KLF10: variants seen among roughly 807,000 people sequenced by gnomAD.
KLF10 encodes the protein Krueppel-like factor 10.
KLF10 carries 17 observed loss-of-function variants against 31.6 expected under a neutral mutation model. The ratio of observed to expected loss-of-function variants is 0.54; its 90% CI spans 0.37 to 0.81. The LOEUF (loss-of-function observed/expected upper bound fraction) is 0.81. Ranked by LOEUF, KLF10 falls within the 30% of genes least tolerant of loss-of-function variation. The pLI is 0.00. For missense variants in KLF10, 525 were observed against 598.1 expected, an observed-to-expected ratio of 0.88 and a Z score of 1.27; for synonymous variants, 239 against 215.1, an observed-to-expected ratio of 1.11 and a Z score of -0.97.
chr8:102,652,454 A>C, intron 1 of KLF10, 57 bp from the exon 2 acceptor site: 4 of 989,934 alleles, frequency 4.0e-6, no homozygotes, highest in Non-Finnish European at 5.8e-6. Flanking sequence ...CAAATGACAC[A>C]CAGAAAAATG....
Position 102,651,232 on chromosome 8 carries a change from C to T in KLF10, c.1100G>A (p.Arg367Lys), listed in dbSNP as rs1471426077. The T allele has an allele frequency of 6.3e-7, 1 of 1,586,016 alleles. No individual in the cohort carries two copies. The highest frequency in any genetic ancestry group is 8.6e-7 in the Non-Finnish European group (1 of 1,166,830). ...TCCTGGGTGGCTACAGATGTGACTCCTTATCCTTGATGAATCAATCTGAGG... is the reference window on the plus strand; with the variant it reads ...TCCTGGGTGGCTACAGATGTGACTCTTTATCCTTGATGAATCAATCTGAGG... The part of the protein sequence containing the change: ...VTPQIDSSRI[R>K]SHICSHPGCG... Residue 367 changes from arginine (R) to lysine (K), a missense_variant, in exon 3 of 4, where the codon AGG becomes AAG. Physicochemically the swap from Arg to Lys is conservative, Grantham distance 26. Coordinates refer to ENST00000285407, the MANE Select transcript of KLF10 (RefSeq NM_005655.4).
intron 1 of KLF10, among the ~76,000 whole-genome samples, chr8:102,654,719 A>C (rs1295063913): frequency 2.8e-5 from 3 of 107,210 alleles, no homozygotes; most frequent in South Asian, 3.0e-4. Flanking sequence ...TGCAGCCCCC[A>C]CAGGCCCCGG....
At position 102,650,407 on chromosome 8, in the gene KLF10, A is replaced by G; in HGVS notation, c.1184-16T>C. On this transcript the variant is annotated splice_polypyrimidine_tract_variant and intron_variant, in intron 3 of 3. Transcript: ENST00000285407. ...GGCTTTTCTCCTAAAACAAAGACAT[A>G]CAAATCATTATTATGCATAAGATTG... The G allele has an allele frequency of 3.1e-6, 5 of 1,607,682 alleles. No homozygotes were observed. The Middle Eastern group carries it at 6.6e-4, about 213-fold the overall frequency.
In KLF10 at chr8:102,651,471, T is replaced by G; in HGVS notation, c.861A>C (p.Thr287=). ...TGGGAGGAGTGCTGGGAACGACTGT[T>G]GTCACAACAGGGTTGTTGGCAGGAA... ...VPLPANNPVV[T]TVVPSTPPSQ... Residue 287 remains threonine, a synonymous_variant, in exon 3 of 4, where the codon ACA becomes ACC. Transcript: ENST00000285407. 2 of 1,613,922 alleles carry G rather than the reference T, an allele frequency of 1.2e-6. No homozygotes were observed. The highest frequency in any genetic ancestry group is 1.7e-6 in the Non-Finnish European group (2 of 1,179,932).
At position 102,651,268 on chromosome 8, in the gene KLF10, G is replaced by A; in HGVS notation, c.1064C>T (p.Ala355Val). Residue 355 changes from alanine to valine, a missense_variant, in exon 3 of 4, where the codon GCA (alanine) becomes GTA (valine). Physicochemically the swap from Ala to Val is moderately conservative, Grantham distance 64 (BLOSUM62 0). This residue lies in a region of KLF10 where 434 missense variants were observed against 450.7 expected (regional missense o/e 0.96). Coordinates refer to ENST00000285407, the MANE Select transcript of KLF10 (RefSeq NM_005655.4). The part of the protein sequence containing the change: ...APAPGFSPSA[A>V]KVTPQIDSSR... ...TGAATCAATCTGAGGAGTGACTTTTGCTGCTGAAGGGGAAAACCCAGGAGC... is the reference window on the plus strand; with the variant it reads ...TGAATCAATCTGAGGAGTGACTTTTACTGCTGAAGGGGAAAACCCAGGAGC... 1 of 1,607,286 alleles carries A rather than the reference G, an allele frequency of 6.2e-7. No homozygotes were observed.
chr8:102,652,855 A>T (rs1194442608), intron 1 of KLF10, among the ~76,000 whole-genome samples: 1 of 152,156 alleles, frequency 6.6e-6, no homozygotes, highest in East Asian at 1.9e-4. Flanking sequence ...CAAAAAATTT[A>T]TCTTCTTAAA....
chr8:102,653,436 T>C, intron 1 of KLF10: 1 of 1,527,584 alleles, frequency 6.5e-7, no homozygotes. Context: ...GTAAAGTTCT[T>C]TGAACTACGC....
At chr8:102,654,611 G>T (rs953583982) in intron 1 of KLF10, among the ~76,000 whole-genome samples, 3 of 151,902 alleles carry the variant, frequency 2.0e-5, no homozygotes, top group African/African-American at 7.2e-5. Flanking sequence ...CGGGACCTCA[G>T]ACCACCCCGT....
chr8:102,653,711 G>A (rs1463546347), intron 1 of KLF10: 1 of 1,217,412 alleles, frequency 8.2e-7, no homozygotes, highest in African/African-American at 1.6e-5. Flanking sequence ...AATGGACAGC[G>A]CGCGTGTGTG....
chr8:102,653,714 CGT>C (rs1377699682), intron 1 of KLF10: 7 of 1,208,930 alleles, frequency 5.8e-6, no homozygotes, highest in Non-Finnish European at 6.2e-6. Flanking sequence ...GGACAGCGCG[CGT>C]GTGTGTAACA....
At chr8:102,653,867 G>A (rs939762178) in intron 1 of KLF10, 82 of 954,776 alleles carry the variant, frequency 8.6e-5, no homozygotes, top group African/African-American at 1.1e-4. Context: ...AAGCGCGGGC[G>A]GAGGCGCGGG....
At chr8:102,653,355 A>G (rs1234690756) in intron 1 of KLF10, 5 of 932,352 alleles carry the variant, frequency 5.4e-6, no homozygotes, top group Admixed American at 7.7e-5. Context: ...TTAATTCCTT[A>G]AAGAACTGCT....
Position 102,654,111 on chromosome 8 carries a change from G to C in KLF10, c.36+1455C>G, listed in dbSNP as rs59144814. 3,640 of 256,874 alleles carry C rather than the reference G, an allele frequency of 0.014. 122 individuals carry two copies. Among genetic ancestry groups the C allele is most frequent in the African/African-American group, 0.071 (3,081 of 43,498 alleles). The allele number at this position is 256,874 out of a possible 1,614,324, so 15.9% of individuals were successfully genotyped here. A position where few individuals can be genotyped will look rare whatever the true frequency, so the allele number is the denominator to read the frequency against. ...GGGGGCGTGGGCGAGGAGGGGGCGA[G>C]GCATGTGAACAAAGCGTGATCAGCG... On this transcript the variant is annotated intron_variant, in intron 1 of 3. Coordinates refer to ENST00000285407, the MANE Select transcript of KLF10 (RefSeq NM_005655.4).
rs901527997 is a variant in KLF10 at position 102,651,561 on chromosome 8, G to C, written c.771C>G (p.Val257=). 5.0e-6 allele frequency: 8 copies of C among 1,614,078 alleles called. No individual in the cohort carries two copies. Among genetic ancestry groups the C allele is most frequent in the Admixed American group, 1.7e-5 (1 of 60,004 alleles). The change falls in exon 3 of 4, where the codon GTC becomes GTG. Residue 257 remains valine (V), a synonymous_variant. Coordinates refer to ENST00000285407, the MANE Select transcript of KLF10 (RefSeq NM_005655.4). ...CCCCTGCAGATACTGCAGGTGGAGA[G>C]ACCAACACTGACTTCTGTTGTGGGG... ...PVSPQQKSVL[V]SPPAVSAGGV...
chr8:102,651,790 T>C lies in KLF10; in HGVS notation c.542A>G (p.Gln181Arg), dbSNP rs1181061358. Residue 181 changes from glutamine to arginine, a missense_variant, in exon 3 of 4, where the codon CAG (glutamine) becomes CGG (arginine). Coordinates refer to ENST00000285407, the MANE Select transcript of KLF10 (RefSeq NM_005655.4). ...GGTTCTTCTTCTAAAAGAATTGTTC[T>C]GATAGTTGAGGATGCTGGCTGCTTT... ...PMKAASILNYQNNSFRRRTHL... is the reference protein window; with the variant it reads ...PMKAASILNYRNNSFRRRTHL... 5.0e-6 allele frequency: 8 copies of C among 1,614,130 alleles called. No individual in the cohort carries two copies. The highest frequency in any genetic ancestry group is 6.8e-6 in the Non-Finnish European group (8 of 1,180,046).
chr8:102,653,419 T>C, intron 1 of KLF10: 4 of 1,471,242 alleles, frequency 2.7e-6, no homozygotes, highest in African/African-American at 1.4e-5. Context: ...CTACCTAATG[T>C]TTTATAGTAA....
chr8:102,651,357 A>C lies in KLF10; in HGVS notation c.975T>G (p.Val325=), dbSNP rs1311191691. 1 of 1,598,474 alleles carries C rather than the reference A, an allele frequency of 6.3e-7. No individual in the cohort carries two copies. The highest frequency in any genetic ancestry group is 1.7e-5 in the Admixed American group (1 of 58,820). The change falls in exon 3 of 4, where the codon GTT becomes GTG. Residue 325 remains valine (V), a synonymous_variant. Coordinates refer to ENST00000285407, the MANE Select transcript of KLF10 (RefSeq NM_005655.4). ...CCACCGGAGGCTTTGAACTCTGCAC[A>C]ACGGGCTGGGGTACCACAAACATGA... The part of the protein sequence containing the change: ...GAVMFVVPQP[V]VQSSKPPVVS...
chr8:102,650,304 G>A lies in KLF10; in HGVS notation c.1271C>T (p.Thr424Met), dbSNP rs1827174702. 2.5e-6 allele frequency: 4 copies of A among 1,614,050 alleles called. No homozygotes were observed. The highest frequency in any genetic ancestry group is 3.4e-6 in the Non-Finnish European group (4 of 1,180,034). Residue 424 changes from threonine to methionine, a missense_variant, in exon 4 of 4, where the codon ACG becomes ATG. Transcript: ENST00000285407. ...GGGGCACGCAAATTTCTTCTCACCC[G>A]TGTGGGTTCGCCTGTGTCTGGACAG... ...DELSRHRRTH[T>M]GEKKFACPMC...
At chr8:102,654,626 C>G (rs1268932841) in intron 1 of KLF10, among the ~76,000 whole-genome samples, 1 of 152,028 alleles carries the variant, frequency 6.6e-6, no homozygotes, top group Non-Finnish European at 1.5e-5. Context: ...CCCCGTCTCT[C>G]CCTGTAGACG....
Sources: allele counts gnomAD v4.1 joint callset (sites outside exome capture counted in the v4.1 genomes callset), GRCh38; gene constraint gnomAD v4.1.1; regional missense constraint gnomAD v4.1.1; transcripts MANE v1.5; gene names NCBI Gene and HGNC (gene_info 2026-07-23, HGNC 2026-07-21).